MESP1: variants seen among roughly 807,000 people sequenced by gnomAD.
MESP1 encodes mesoderm posterior protein 1.
MESP1 carries 22 observed loss-of-function variants against 15.2 expected under a neutral mutation model. The observed-to-expected ratio is 1.45, with a 90% CI of 1.04 to 2.07. MESP1 has a LOEUF of 2.07. MESP1 is among the 30% of genes most tolerant of loss of function. MESP1 has a pLI of 0.00. For synonymous variants in MESP1, 216 were observed against 192.6 expected (o/e 1.12, Z -1.01); for missense variants, 484 against 411.9 (o/e 1.17, Z -1.51).
the MESP1 span, chr15:89,738,159 T>G: frequency 1.3e-5 from 21 of 1,614,204 alleles, no homozygotes; most frequent in East Asian, 4.5e-4. Context: ...GTACCATTCC[T>G]CAAAGGGACT....
At chr15:89,741,296 T>TCA in the MESP1 span, among the ~76,000 whole-genome samples, 1 of 152,322 alleles carries the variant, frequency 6.6e-6, no homozygotes, top group African/African-American at 2.4e-5. Context: ...AGTGGTGCAA[T>TCA]CACAGCTCAC....
chr15:89,733,076 C>T, the MESP1 span: 1 of 1,614,144 alleles, frequency 6.2e-7, no homozygotes, highest in Non-Finnish European at 8.5e-7. Flanking sequence ...TAAAATATTT[C>T]TCGGTCCACA....
At chr15:89,746,102 C>T (rs1967940873), downstream of MESP1, among the ~76,000 whole-genome samples, 1 of 149,350 alleles carries the variant, frequency 6.7e-6, no homozygotes, top group Non-Finnish European at 1.5e-5. Flanking sequence ...ACAGCATCCA[C>T]AGCTCCACAC....
downstream of MESP1, among the ~76,000 whole-genome samples, chr15:89,746,454 C>T (rs1232658003): frequency 2.0e-5 from 3 of 151,218 alleles, no homozygotes; most frequent in African/African-American, 7.4e-5. Flanking sequence ...ACAGCATCCA[C>T]ACCTCCACAC....
the MESP1 span, among the ~76,000 whole-genome samples, chr15:89,734,671 C>T: frequency 6.6e-6 from 1 of 152,076 alleles, no homozygotes; most frequent in African/African-American, 2.4e-5. Flanking sequence ...TTCATCATTC[C>T]TTTGCTTTCC....
chr15:89,750,974 G>A lies in MESP1; in HGVS notation c.258C>T (p.Ser86=). 3 of 1,433,638 alleles carry A rather than the reference G, an allele frequency of 2.1e-6. No individual in the cohort carries two copies. The highest frequency in any genetic ancestry group is 3.0e-5 in the East Asian group (1 of 33,062). 88.8% of individuals were successfully genotyped at this position (1,433,638 alleles called of 1,614,324 possible). ...TGCGCAGTTTCTCCCGCTCACTGGC[G>A]CTCTGCCTCTGCCCGCTGCCCAGGC... The part of the protein sequence containing the change: ...SSRLGSGQRQ[S]ASEREKLRMR... Residue 86 remains serine (S), a synonymous_variant, in exon 1 of 2, where the codon AGC becomes AGT. Transcript: ENST00000300057.
the MESP1 span, among the ~76,000 whole-genome samples, chr15:89,739,191 G>A: frequency 2.6e-5 from 4 of 151,996 alleles, no homozygotes; most frequent in Admixed American, 2.0e-4. Flanking sequence ...ATGACCTGTG[G>A]GCCATATCCA....
chr15:89,741,620 C>T, the MESP1 span, among the ~76,000 whole-genome samples: 1 of 152,206 alleles, frequency 6.6e-6, no homozygotes, highest in South Asian at 2.1e-4. Flanking sequence ...TTACCTTCAG[C>T]CCTTTCCTTT....
chr15:89,735,582 C>T, the MESP1 span: 2 of 1,597,490 alleles, frequency 1.3e-6, no homozygotes, highest in Admixed American at 1.7e-5. Flanking sequence ...TCTGTAAATG[C>T]CCCATGCCTC....
chr15:89,747,480 GCTAGTTGGCCTCAGCGGGCA>G (rs1237338891), downstream of MESP1, among the ~76,000 whole-genome samples: 1 of 152,218 alleles, frequency 6.6e-6, no homozygotes, highest in African/African-American at 2.4e-5. Flanking sequence ...CCAGCGGGCA[GCTAGTTGGCCTCAGCGGGCA>G]CCCCTGTGCC....
the MESP1 span, among the ~76,000 whole-genome samples, chr15:89,734,534 A>G: frequency 4.3e-4 from 65 of 152,340 alleles, 1 homozygote; most frequent in African/African-American, 1.4e-3. Flanking sequence ...CTAATGTCCC[A>G]TTGGGCAAAG....
chr15:89,743,353 T>C, the MESP1 span: 5 of 1,614,150 alleles, frequency 3.1e-6, no homozygotes, highest in Non-Finnish European at 4.2e-6. Flanking sequence ...GCTTCAGAGG[T>C]ACTCCTTGTC....
At chr15:89,743,263 T>G in the MESP1 span, 2 of 1,611,916 alleles carry the variant, frequency 1.2e-6, no homozygotes, top group South Asian at 1.1e-5. Context: ...GAGAGGAGAT[T>G]CCTCTCATCA....
downstream of MESP1, among the ~76,000 whole-genome samples, chr15:89,745,619 GA>G (rs1479172345): frequency 6.6e-6 from 1 of 152,010 alleles, no homozygotes; most frequent in Middle Eastern, 3.2e-3. This position sits in a 1 kb window ranked among gnomAD's most constrained non-coding sequence, Gnocchi z 4.8. Context: ...AAAAATTAGC[GA>G]GGCGTAGTGA....
the MESP1 span, among the ~76,000 whole-genome samples, chr15:89,736,958 A>AT: frequency 2.6e-5 from 4 of 152,090 alleles, no homozygotes; most frequent in Admixed American, 6.5e-5. Context: ...CGCCAGGCTA[A>AT]TTTTTTGTAT....
chr15:89,745,015 A>C (rs77900219), downstream of MESP1, among the ~76,000 whole-genome samples: 3,218 of 152,238 alleles, frequency 0.021, 124 homozygotes, highest in African/African-American at 0.074. The surrounding 1 kb of genome is among the most constrained non-coding windows in gnomAD (Gnocchi z 4.8). Context: ...AGGGAGAGGT[A>C]TTCCCACCCC....
At position 89,750,169 on chromosome 15, in the gene MESP1, TCC is replaced by T. The variant is rs1451125256; in HGVS notation, c.780_781del (p.Glu261ValfsTer4). 2.5e-6 allele frequency: 4 copies of T among 1,613,988 alleles called. No homozygotes were observed. Among genetic ancestry groups the T allele is most frequent in the Non-Finnish European group, 3.4e-6 (4 of 1,180,004 alleles). On this transcript the variant is annotated frameshift_variant, in exon 2 of 2. Transcript: ENST00000300057. LOFTEE classifies it high-confidence loss of function. ...TCACTTGGGCTCCTCAGGCAGCCAC[TCC>T]AGAGGCGAGAGGGGCATCCAGGTCT...
In MESP1 at chr15:89,750,702, C is replaced by T. The variant is rs1395994460; in HGVS notation, c.530G>A (p.Arg177Gln). 7.3e-7 allele frequency: 1 copy of T among 1,377,034 alleles called. No individual in the cohort carries two copies. Among genetic ancestry groups the T allele is most frequent in the East Asian group, 3.0e-5 (1 of 33,882 alleles). 85.3% of individuals were successfully genotyped at this position (1,377,034 alleles called of 1,614,324 possible). A position where few individuals can be genotyped will look rare whatever the true frequency, so the allele number is the denominator to read the frequency against. The change falls in exon 1 of 2, where the codon CGG (arginine) becomes CAG (glutamine). Residue 177 changes from arginine to glutamine, a missense_variant. Coordinates refer to ENST00000300057, the MANE Select transcript of MESP1 (RefSeq NM_018670.4). The part of the protein sequence containing the change: ...PDDCPAQMQT[R>Q]TQAEGQGQGR... ...CTGCCCCTGCCCCTCAGCCTGCGTC[C>T]GTGTCTGCATCTGCGCGGGGCAGTC...
chr15:89,744,204 G>C, the MESP1 span, among the ~76,000 whole-genome samples: 2,509 of 152,310 alleles, frequency 0.016, 84 homozygotes, highest in African/African-American at 0.057. Context: ...CTCAGAGTTT[G>C]TGATGGCTGC....
Sources: allele counts gnomAD v4.1 joint callset (sites outside exome capture counted in the v4.1 genomes callset), GRCh38; gene constraint gnomAD v4.1.1; non-coding constraint Gnocchi (gnomAD v3.1); transcripts MANE v1.5; gene names NCBI Gene and HGNC (gene_info 2026-07-23, HGNC 2026-07-21).